Variants in FGF7 observed in about 807,000 individuals in gnomAD.
FGF7 encodes fibroblast growth factor 7, also known as FGF-7.
FGF7 carries 6 observed loss-of-function variants against 20.5 expected under a neutral mutation model. The ratio of observed to expected loss-of-function variants is 0.29; its 90% confidence interval spans 0.16 to 0.58. The LOEUF is 0.58. Ranked by LOEUF, FGF7 falls within the 20% of genes least tolerant of loss-of-function variation. The probability of loss-of-function intolerance (pLI) is 0.90; values close to 1 mark genes in which losing one functional copy is unlikely to be tolerated. For missense variants in FGF7, 144 were observed against 228.8 expected, an observed-to-expected ratio of 0.63 and a Z score of 2.39; for synonymous variants, 64 against 74.7, an observed-to-expected ratio of 0.86 and a Z score of 0.74.
At chr15:49,465,095 T>C (rs1010423731) in intron 2 of FGF7, among the ~76,000 whole-genome samples, 12 of 152,118 alleles carry the variant, frequency 7.9e-5, no homozygotes, top group Non-Finnish European at 1.5e-4. Flanking sequence ...GGATAACTCA[T>C]GAAATATTAG....
intron 2 of FGF7, among the ~76,000 whole-genome samples, chr15:49,465,432 G>T (rs1460481754): frequency 1.3e-5 from 2 of 151,682 alleles, no homozygotes; most frequent in African/African-American, 4.8e-5. Context: ...CACCATGCCC[G>T]GCCTACTTCT....
chr15:49,462,254 G>A (rs28430272), intron 2 of FGF7, among the ~76,000 whole-genome samples: 27,904 of 152,104 alleles, frequency 0.18, 3,175 homozygotes, highest in Non-Finnish European at 0.25. Context: ...TCATATATGA[G>A]TACACTGAAA....
chr15:49,447,771 A>C (rs1055855011), intron 2 of FGF7, among the ~76,000 whole-genome samples: 5 of 151,730 alleles, frequency 3.3e-5, no homozygotes, highest in African/African-American at 1.2e-4. Context: ...TGCTTGCTCC[A>C]AACTAATTCA....
intron 2 of FGF7, among the ~76,000 whole-genome samples, chr15:49,426,871 G>A (rs917570100): frequency 2.0e-5 from 3 of 151,790 alleles, no homozygotes; most frequent in Non-Finnish European, 2.9e-5. Context: ...TCTTGATATC[G>A]TTAATTATCC....
chr15:49,461,497 C>A (rs1312413622), intron 2 of FGF7, among the ~76,000 whole-genome samples: 1 of 152,174 alleles, frequency 6.6e-6, no homozygotes, highest in Non-Finnish European at 1.5e-5. Context: ...TGAGAAACTG[C>A]ATATTTCATG....
intron 2 of FGF7, among the ~76,000 whole-genome samples, chr15:49,476,332 T>C (rs2055318664): frequency 6.6e-6 from 1 of 151,712 alleles, no homozygotes; most frequent in Non-Finnish European, 1.5e-5. Context: ...ATATATTTAT[T>C]AATATCCAGA....
chr15:49,466,787 C>A (rs938069610), intron 2 of FGF7, among the ~76,000 whole-genome samples: 1 of 152,026 alleles, frequency 6.6e-6, no homozygotes, highest in African/African-American at 2.4e-5. Context: ...GGGTCTTTAA[C>A]CCTTTTTAAA....
At chr15:49,467,695 C>T (rs1294793650) in intron 2 of FGF7, among the ~76,000 whole-genome samples, 1 of 152,112 alleles carries the variant, frequency 6.6e-6, no homozygotes, top group Non-Finnish European at 1.5e-5. Flanking sequence ...AAATAGTCTA[C>T]ATTGTCAGAC....
intron 2 of FGF7, among the ~76,000 whole-genome samples, chr15:49,447,130 A>C (rs2052295304): frequency 6.6e-6 from 1 of 151,642 alleles, no homozygotes; most frequent in Admixed American, 6.6e-5. Flanking sequence ...TCCTACACTG[A>C]TATAAGGCTT....
intron 2 of FGF7, among the ~76,000 whole-genome samples, chr15:49,451,949 TAAC>T (rs1468366573): frequency 6.6e-6 from 1 of 152,120 alleles, no homozygotes; most frequent in African/African-American, 2.4e-5. Context: ...CTGTGTTTAA[TAAC>T]TAGTGAAAAA....
intron 2 of FGF7, among the ~76,000 whole-genome samples, chr15:49,480,266 T>A (rs1458748376): frequency 6.6e-6 from 1 of 152,110 alleles, no homozygotes; most frequent in East Asian, 1.9e-4. Flanking sequence ...CCCTAATATG[T>A]GGAGGGATAA....
intron 2 of FGF7, among the ~76,000 whole-genome samples, chr15:49,426,461 A>T: frequency 6.6e-6 from 1 of 151,978 alleles, no homozygotes; most frequent in African/African-American, 2.4e-5. Flanking sequence ...AAAAGCAAAA[A>T]AGTAGATGTA....
chr15:49,431,225 T>C (rs532383365), intron 2 of FGF7, among the ~76,000 whole-genome samples: 2 of 151,950 alleles, frequency 1.3e-5, no homozygotes, highest in East Asian at 3.9e-4. Flanking sequence ...AAATAGGTTG[T>C]AAATGAAAAT....
intron 2 of FGF7, among the ~76,000 whole-genome samples, chr15:49,439,099 T>C (rs1428111546): frequency 6.6e-6 from 1 of 151,732 alleles, no homozygotes; most frequent in Non-Finnish European, 1.5e-5. Context: ...TTCTTATGTC[T>C]TGACTGGGGC....
chr15:49,432,622 C>A (rs1035689116), intron 2 of FGF7, among the ~76,000 whole-genome samples: 13 of 151,508 alleles, frequency 8.6e-5, no homozygotes, highest in African/African-American at 3.1e-4. Context: ...AACGAAGTTG[C>A]CACTAAATTG....
At chr15:49,454,861 G>C (rs1465469831) in intron 2 of FGF7, among the ~76,000 whole-genome samples, 1 of 152,006 alleles carries the variant, frequency 6.6e-6, no homozygotes, top group Non-Finnish European at 1.5e-5. Flanking sequence ...CGCTCGCCTC[G>C]GCCTCCCAAA....
intron 2 of FGF7, among the ~76,000 whole-genome samples, chr15:49,481,384 C>T (rs2152014151): frequency 6.6e-6 from 1 of 152,310 alleles, no homozygotes; most frequent in South Asian, 2.1e-4. Flanking sequence ...TATTCTTCTG[C>T]ATGTTATTTC....
chr15:49,480,649 T>G (rs546726025), intron 2 of FGF7, among the ~76,000 whole-genome samples: 1 of 151,940 alleles, frequency 6.6e-6, no homozygotes, highest in Admixed American at 6.6e-5. Flanking sequence ...ACCCGGATAA[T>G]TTTTTGTATT....
At position 49,487,465 on chromosome 15, in the gene FGF7, T is replaced by C. The variant is rs1301477708; in HGVS notation, c.*2961T>C. On this transcript the variant is annotated 3_prime_UTR_variant, in exon 4 of 4. Transcript: ENST00000267843. ...AAACCATAGTATAAATTGTCAGCCT[T>C]TGAGTTGGCTACAAATTCAATTTAA... 1 of 151,868 alleles carries C rather than the reference T, an allele frequency of 6.6e-6. No individual in the cohort carries two copies. The highest frequency in any genetic ancestry group is 6.6e-5 in the Admixed American group (1 of 15,208). 9.4% of individuals were successfully genotyped at this position (151,868 alleles called of 1,614,324 possible).
Sources: gnomAD v4.1 joint callset for allele counts (sites outside exome capture counted in the v4.1 genomes callset) on GRCh38, gnomAD v4.1.1 for gene constraint, MANE v1.5 for transcripts, NCBI Gene and HGNC (gene_info 2026-07-23, HGNC 2026-07-21) for gene names.